Variants in NSMCE1 observed in about 807,000 individuals in gnomAD.
NSMCE1 encodes NSE1 component of SMC5/6 complex.
NSMCE1 carries 18 observed loss-of-function variants against 29.6 expected under a neutral mutation model. The ratio of observed to expected loss-of-function variants is 0.61; its 90% confidence interval spans 0.42 to 0.90. The LOEUF (loss-of-function observed/expected upper bound fraction) is 0.90. Ranked by LOEUF, NSMCE1 falls within the 40% of genes least tolerant of loss-of-function variation. The pLI, the probability that NSMCE1 is intolerant of heterozygous loss-of-function variation, is 0.00. For missense variants in NSMCE1, 314 were observed against 343.6 expected, an observed-to-expected ratio of 0.91 and a Z score of 0.68; for synonymous variants, 124 against 133.4, an observed-to-expected ratio of 0.93 and a Z score of 0.49.
rs377649978 is a variant in NSMCE1, at chr16:27,235,321, A to G, written c.137-22T>C. On this transcript the variant is annotated intron_variant, in intron 2 of 7. Transcript: ENST00000361439. ...TTGCCTGGAAATAAACAGACCAAAAAAAGGGGGGTGACCAGGGGGCCTCAT... is the reference window on the plus strand; with the variant it reads ...TTGCCTGGAAATAAACAGACCAAAAGAAGGGGGGTGACCAGGGGGCCTCAT... 9.3e-6 allele frequency: 15 copies of G among 1,609,896 alleles called. No homozygotes were observed. The African/African-American group carries it at 1.7e-4, about 19-fold the overall frequency.
chr16:27,249,645 T>C (rs2084001009), intron 2 of NSMCE1, among the ~76,000 whole-genome samples: 1 of 152,270 alleles, frequency 6.6e-6, no homozygotes, highest in South Asian at 2.1e-4. Flanking sequence ...CATCATGACA[T>C]GACTACCACA....
At chr16:27,233,212 T>C in intron 4 of NSMCE1, 65 bp from the exon 5 acceptor site, 1 of 1,481,664 alleles carries the variant, frequency 6.7e-7, no homozygotes. Flanking sequence ...TAAATGGTAA[T>C]ACCAAGTCTG....
intron 2 of NSMCE1, among the ~76,000 whole-genome samples, chr16:27,252,409 C>A (rs1400357358): frequency 6.6e-6 from 1 of 152,210 alleles, no homozygotes; most frequent in Non-Finnish European, 1.5e-5. Context: ...TATTTCAAAT[C>A]ATTTCTAATG....
chr16:27,227,065 G>A (rs927317535), intron 5 of NSMCE1, among the ~76,000 whole-genome samples: 6 of 152,204 alleles, frequency 3.9e-5, no homozygotes, highest in African/African-American at 1.4e-4. Flanking sequence ...CCTGACACCC[G>A]CCTTTTCTCA....
chr16:27,252,164 G>A (rs759691349), intron 2 of NSMCE1, among the ~76,000 whole-genome samples: 2 of 152,206 alleles, frequency 1.3e-5, no homozygotes, highest in Non-Finnish European at 2.9e-5. Context: ...GGTGATAGAA[G>A]CATCTTTTGC....
intron 2 of NSMCE1, among the ~76,000 whole-genome samples, chr16:27,256,988 T>C (rs1176189678): frequency 1.3e-5 from 2 of 152,188 alleles, no homozygotes; most frequent in Admixed American, 1.3e-4. Flanking sequence ...AGTGCAGGGA[T>C]AACAGCGTGA....
At chr16:27,268,586 G>A (rs1196200920) in intron 1 of NSMCE1, 120 bp downstream of exon 1, 3 of 152,438 alleles carry the variant, frequency 2.0e-5, no homozygotes, top group African/African-American at 7.2e-5. Context: ...AGCCCACGGG[G>A]ACCGACCCCG....
intron 1 of NSMCE1, 140 bp from the exon 2 acceptor site, chr16:27,257,721 GAGA>G (rs2084103613): frequency 1.3e-5 from 9 of 694,618 alleles, no homozygotes; most frequent in African/African-American, 3.7e-5. Flanking sequence ...CTACAAAGGT[GAGA>G]AGAAGAACAC....
At chr16:27,252,361 A>G (rs996144348) in intron 2 of NSMCE1, among the ~76,000 whole-genome samples, 1 of 152,228 alleles carries the variant, frequency 6.6e-6, no homozygotes, top group Non-Finnish European at 1.5e-5. Context: ...AAACCTCCAT[A>G]GAAACCCAGG....
Position 27,243,851 on chromosome 16 carries a change from A to G in NSMCE1, c.137-8552T>C, listed in dbSNP as rs150170308. ...CTTCTGCAGACCCTGAGGTCTCGCA[A>G]TGTTGCCCAGGCTGGTCTCAAACTC... On this transcript the variant is annotated intron_variant, in intron 2 of 7. Transcript: ENST00000361439. Among the ~76,000 whole-genome samples the G allele has an allele frequency of 1.2e-4, 18 of 152,238 alleles. No individual in the cohort carries two copies. The East Asian group carries it at 1.9e-3, about 16-fold the overall frequency.
At chr16:27,236,453 C>T (rs377576865) in intron 2 of NSMCE1, among the ~76,000 whole-genome samples, 2 of 152,050 alleles carry the variant, frequency 1.3e-5, no homozygotes, top group Non-Finnish European at 2.9e-5. Flanking sequence ...TGCACCACCA[C>T]ACCCAGCTAA....
intron 1 of NSMCE1, among the ~76,000 whole-genome samples, chr16:27,257,794 G>A (rs1055122801): frequency 6.6e-5 from 10 of 152,116 alleles, no homozygotes; most frequent in African/African-American, 1.7e-4. Flanking sequence ...CTAGAATGCC[G>A]GGATTCAGGG....
rs1567274168 is a variant in NSMCE1, at chr16:27,234,274, TAA to T, written c.259-11_259-10del. The T allele has an allele frequency of 6.3e-7, 1 of 1,598,732 alleles. No homozygotes were observed. ...GTTGTAGCAAGATTCACCTAAGAAA[TAA>T]GTCAGCACGACAGTCAGGCTGTGCT... On this transcript the variant is annotated splice_polypyrimidine_tract_variant and intron_variant, in intron 3 of 7. Coordinates refer to ENST00000361439, the MANE Select transcript of NSMCE1 (RefSeq NM_145080.4).
intron 3 of NSMCE1, 48 bp downstream of exon 3, chr16:27,235,130 G>A: frequency 1.3e-6 from 2 of 1,598,106 alleles, no homozygotes; most frequent in Admixed American, 1.8e-5. Flanking sequence ...CCTGGGCCCT[G>A]TTCCAGCTCC....
In NSMCE1 at chr16:27,238,872, AT is replaced by A. The variant is rs545512534; in HGVS notation, c.137-3574del. The stretch of plus-strand genomic sequence containing the variant: ...CCCTCCCCCAATAGCATCCCGACAC[AT>A]TTTTTTTTTTTTTTGAGATGGAGTG... On this transcript the variant is annotated intron_variant, in intron 2 of 7. Coordinates refer to ENST00000361439, the MANE Select transcript of NSMCE1 (RefSeq NM_145080.4). 7.8e-3 allele frequency among the ~76,000 whole-genome samples: 1,075 copies of A among 138,638 alleles called. 4 individuals are homozygous for A. The highest frequency in any genetic ancestry group is 0.011 in the South Asian group (48 of 4,404). The allele number at this position is 138,638 out of a possible 152,430, so 91.0% of individuals were successfully genotyped here. A position where few individuals can be genotyped will look rare whatever the true frequency, so the allele number is the denominator to read the frequency against.
chr16:27,268,378 T>C (rs968253973), intron 1 of NSMCE1: 1 of 152,248 alleles, frequency 6.6e-6, no homozygotes, highest in Non-Finnish European at 1.5e-5. Flanking sequence ...TTTTCACCTG[T>C]TACAATGAAA....
At chr16:27,236,351 C>A (rs1479878150) in intron 2 of NSMCE1, among the ~76,000 whole-genome samples, 1 of 137,620 alleles carries the variant, frequency 7.3e-6, no homozygotes, top group Non-Finnish European at 1.5e-5. Flanking sequence ...GGCTGGAGTG[C>A]AGTAGCACAG....
intron 2 of NSMCE1, among the ~76,000 whole-genome samples, chr16:27,246,573 C>T (rs1897129624): frequency 1.3e-5 from 2 of 152,208 alleles, no homozygotes; most frequent in African/African-American, 2.4e-5. Context: ...TCACTGCCAC[C>T]TCTGCCTCCC....
chr16:27,250,091 T>C (rs925367503), intron 2 of NSMCE1, among the ~76,000 whole-genome samples: 2 of 152,238 alleles, frequency 1.3e-5, no homozygotes, highest in African/African-American at 4.8e-5. Context: ...AAACAATTGG[T>C]ATTTGGATAT....
Sources: gnomAD v4.1 joint callset for allele counts (sites outside exome capture counted in the v4.1 genomes callset) on GRCh38, gnomAD v4.1.1 for gene constraint, MANE v1.5 for transcripts, NCBI Gene and HGNC (gene_info 2026-07-23, HGNC 2026-07-21) for gene names.